Variants in RPRD1A observed in about 807,000 individuals in gnomAD.
RPRD1A encodes the protein regulation of nuclear pre-mRNA domain containing 1A, also known as regulation of nuclear pre-mRNA domain-containing protein 1A.
A neutral mutation model predicts 37.8 loss-of-function variants in RPRD1A; 9 were observed. That is an observed-to-expected ratio of 0.24 (90% CI 0.14 to 0.42). The LOEUF is 0.42. RPRD1A is among the 10% of genes least tolerant of loss of function. The pLI is 1.00. For missense variants in RPRD1A, 255 were observed against 371.0 expected (o/e 0.69, Z 2.57); for synonymous variants, 138 against 139.7 (o/e 0.99, Z 0.08).
chr18:36,050,822 G>A (rs566872114), intron 1 of RPRD1A, among the ~76,000 whole-genome samples: 1 of 151,426 alleles, frequency 6.6e-6, no homozygotes. Context: ...TGGGATTACA[G>A]GTGTGAGCTA....
intron 1 of RPRD1A, among the ~76,000 whole-genome samples, chr18:36,038,890 C>T (rs1241185221): frequency 6.6e-6 from 1 of 152,162 alleles, no homozygotes; most frequent in African/African-American, 2.4e-5. Context: ...CCAATTTCTC[C>T]CTTCTGGAAC....
Position 35,993,903 on chromosome 18 carries a change from T to A in RPRD1A, c.790-603A>T, listed in dbSNP as rs142654898. On this transcript the variant is annotated intron_variant, in intron 6 of 6. Coordinates refer to ENST00000399022, the MANE Select transcript of RPRD1A (RefSeq NM_018170.5). Reference sequence around the variant, plus strand: ...GGAAGAGCCTGGGGACTCCCTCCTGTCCAGCCCCCACTCCTGGAAAAGAAG... The same window carrying A: ...GGAAGAGCCTGGGGACTCCCTCCTGACCAGCCCCCACTCCTGGAAAAGAAG... Among the ~76,000 whole-genome samples, 9 of 152,280 alleles carry A rather than the reference T, an allele frequency of 5.9e-5. No homozygotes were observed. The East Asian group carries it at 1.7e-3, about 29-fold the overall frequency.
chr18:36,028,756 AC>A (rs1376668498), intron 4 of RPRD1A, among the ~76,000 whole-genome samples: 2 of 152,236 alleles, frequency 1.3e-5, no homozygotes, highest in African/African-American at 4.8e-5. Context: ...AAAGAATAAC[AC>A]ACACACAAAA....
intron 1 of RPRD1A, among the ~76,000 whole-genome samples, chr18:36,038,853 A>G (rs1286119403): frequency 1.3e-5 from 2 of 152,138 alleles, no homozygotes; most frequent in African/African-American, 2.4e-5. Flanking sequence ...TCGGACTTGC[A>G]TGGGGCCTAT....
intron 1 of RPRD1A, among the ~76,000 whole-genome samples, chr18:36,061,699 A>G (rs1390613469): frequency 6.6e-6 from 1 of 152,262 alleles, no homozygotes; most frequent in Non-Finnish European, 1.5e-5. Flanking sequence ...TTAAGAAAGT[A>G]AAAAGACAAC....
At chr18:35,995,260 CGTTTTTTTTT>C (rs1908966165) in intron 6 of RPRD1A, among the ~76,000 whole-genome samples, 1 of 130,414 alleles carries the variant, frequency 7.7e-6, no homozygotes, top group Non-Finnish European at 1.6e-5. Flanking sequence ...TGCTTTTTTT[CGTTTTTTTTT>C]TTTTTTTTTT....
intron 6 of RPRD1A, among the ~76,000 whole-genome samples, chr18:36,000,651 C>T (rs1909359559): frequency 2.0e-5 from 3 of 152,226 alleles, no homozygotes; most frequent in Admixed American, 2.0e-4. Context: ...AGCTACTACA[C>T]TTCTCATCTG....
In RPRD1A at chr18:35,991,330, A is replaced by G. The variant is rs1013349356; in HGVS notation, c.*1821T>C. ...GTACAACCAGGTTTCATAATTGTGC[A>G]TCTGTCACCTCCCCACTTGGCTGAA... On this transcript the variant is annotated 3_prime_UTR_variant, in exon 7 of 7. Transcript: ENST00000399022. 1 of 152,200 alleles carries G rather than the reference A, an allele frequency of 6.6e-6. No individual in the cohort carries two copies. The highest frequency in any genetic ancestry group is 1.5e-5 in the Non-Finnish European group (1 of 68,044). 9.4% of individuals were successfully genotyped at this position (152,200 alleles called of 1,614,324 possible). A position where few individuals can be genotyped will look rare whatever the true frequency, so the allele number is the denominator to read the frequency against.
chr18:36,040,923 C>G (rs1210625412), intron 1 of RPRD1A: 3 of 997,340 alleles, frequency 3.0e-6, no homozygotes, highest in Non-Finnish European at 4.3e-6. Flanking sequence ...TTAAATAGTT[C>G]TTTACAGTAA....
chr18:36,016,853 T>A (rs1305875547), intron 6 of RPRD1A, among the ~76,000 whole-genome samples: 1 of 152,178 alleles, frequency 6.6e-6, no homozygotes, highest in African/African-American at 2.4e-5. Flanking sequence ...TTATAGTAAA[T>A]GTGCAAAAAG....
intron 6 of RPRD1A, among the ~76,000 whole-genome samples, chr18:36,016,527 T>A (rs1479588375): frequency 1.3e-5 from 2 of 152,202 alleles, no homozygotes; most frequent in African/African-American, 4.8e-5. Flanking sequence ...CCGGCCTGTT[T>A]TGTTAAAACT....
chr18:36,064,252 G>C (rs920167637), intron 1 of RPRD1A: 3 of 152,496 alleles, frequency 2.0e-5, no homozygotes, highest in Non-Finnish European at 2.9e-5. Context: ...TGTAGAGAGA[G>C]AGGCGCCGGC....
chr18:36,046,493 C>T (rs1912962231), intron 1 of RPRD1A, among the ~76,000 whole-genome samples: 1 of 152,036 alleles, frequency 6.6e-6, no homozygotes, highest in Non-Finnish European at 1.5e-5. Context: ...CCTCCTTCTC[C>T]TGATGGGGCA....
chr18:36,065,422 A>G (rs1379666518), intron 1 of RPRD1A, among the ~76,000 whole-genome samples: 1 of 152,142 alleles, frequency 6.6e-6, no homozygotes, highest in Non-Finnish European at 1.5e-5. Flanking sequence ...TAATATCACA[A>G]TTTATTTGTC....
At position 36,050,868 on chromosome 18, in the gene RPRD1A, C is replaced by CTT. The variant is rs374429594; in HGVS notation, c.151+16384_151+16385dup. Among the ~76,000 whole-genome samples the CTT allele has an allele frequency of 9.4e-5, 12 of 128,078 alleles. No individual in the cohort carries two copies. The East Asian group carries it at 1.2e-3, about 13-fold the overall frequency. The allele number at this position is 128,078 out of a possible 152,430, so 84.0% of individuals were successfully genotyped here. A position where few individuals can be genotyped will look rare whatever the true frequency, so the allele number is the denominator to read the frequency against. On this transcript the variant is annotated intron_variant, in intron 1 of 6. Coordinates refer to ENST00000399022, the MANE Select transcript of RPRD1A (RefSeq NM_018170.5). ...ATCAATTTTTCTTTTCTTTTCTTTT[C>CTT]TTTTTTTTTTTTACTGCTTTTAATG...
chr18:35,995,261 G>GTTTTTTTT (rs1232555714), intron 6 of RPRD1A, among the ~76,000 whole-genome samples: 3 of 109,210 alleles, frequency 2.7e-5, no homozygotes, highest in Admixed American at 1.0e-4. Flanking sequence ...GCTTTTTTTC[G>GTTTTTTTT]TTTTTTTTTT....
rs57747052 is a variant in RPRD1A, at chr18:36,012,999, C to T, written c.789+13901G>A. Among the ~76,000 whole-genome samples, 1,251 of 152,194 alleles carry T rather than the reference C, an allele frequency of 8.2e-3. 24 individuals carry two copies. Among genetic ancestry groups the T allele is most frequent in the African/African-American group, 0.029 (1,187 of 41,504 alleles). On this transcript the variant is annotated intron_variant, in intron 6 of 6. Coordinates refer to ENST00000399022, the MANE Select transcript of RPRD1A (RefSeq NM_018170.5). ...GTGACTGCTGTGGTTTCCAGAGGTACAGGGAGGATTCAGGGAGTACAATAC... is the reference window on the plus strand; with the variant it reads ...GTGACTGCTGTGGTTTCCAGAGGTATAGGGAGGATTCAGGGAGTACAATAC...
At chr18:36,059,510 T>G (rs1393679725) in intron 1 of RPRD1A, among the ~76,000 whole-genome samples, 1 of 152,172 alleles carries the variant, frequency 6.6e-6, no homozygotes, top group Non-Finnish European at 1.5e-5. Context: ...AAATAATTAT[T>G]AAATAAATTT....
At chr18:36,013,990 G>A (rs1009499615) in intron 6 of RPRD1A, among the ~76,000 whole-genome samples, 21 of 152,038 alleles carry the variant, frequency 1.4e-4, no homozygotes, top group African/African-American at 5.1e-4. Context: ...TTCAGTATTT[G>A]TGGTTTTTAT....
Sources: allele counts gnomAD v4.1 joint callset (sites outside exome capture counted in the v4.1 genomes callset), GRCh38; gene constraint gnomAD v4.1.1; transcripts MANE v1.5; gene names NCBI Gene and HGNC (gene_info 2026-07-23, HGNC 2026-07-21).